MMEL1: variants seen among roughly 807,000 people sequenced by gnomAD.
MMEL1 encodes the protein membrane metallo-endopeptidase-like 1.
Under a neutral mutation model 117.1 loss-of-function variants are expected in MMEL1, and 98 were observed. The ratio of observed to expected loss-of-function variants is 0.84; its 90% CI spans 0.71 to 0.99. The LOEUF is 0.99. Ranked by LOEUF, MMEL1 falls within the 50% of genes least tolerant of loss-of-function variation. The pLI, the probability that MMEL1 is intolerant of heterozygous loss-of-function variation, is 0.00. For synonymous variants in MMEL1, 390 were observed against 415.1 expected (o/e 0.94, Z 0.74); for missense variants, 1,014 against 1,049.1 (o/e 0.97, Z 0.46).
intron 2 of MMEL1, among the ~76,000 whole-genome samples, chr1:2,617,526 G>A (rs1029322384): frequency 5.3e-5 from 8 of 151,804 alleles, no homozygotes; most frequent in Non-Finnish European, 1.0e-4. Flanking sequence ...CTTGAACACC[G>A]TGGGTGGAGG....
chr1:2,621,260 G>A (rs1645284874), intron 2 of MMEL1, among the ~76,000 whole-genome samples: 1 of 152,210 alleles, frequency 6.6e-6, no homozygotes, highest in Non-Finnish European at 1.5e-5. Flanking sequence ...CCTCCAGCCT[G>A]AGTGACAGAG....
rs934625022 is a variant in MMEL1 at position 2,607,542 on chromosome 1, C to A, written c.536-473G>T. Among the ~76,000 whole-genome samples the A allele has an allele frequency of 2.0e-5, 3 of 152,050 alleles. No individual in the cohort carries two copies. The East Asian group carries it at 5.8e-4, about 30-fold the overall frequency. On this transcript the variant is annotated intron_variant, in intron 6 of 23. Coordinates refer to ENST00000378412, the MANE Select transcript of MMEL1 (RefSeq NM_033467.4). Reference sequence around the variant, plus strand: ...GTGTGTCCTGTGTCTCGGCTCAGCACGGTGGGGCCCCGACAAGCAGGGCTT... The same window carrying A: ...GTGTGTCCTGTGTCTCGGCTCAGCAAGGTGGGGCCCCGACAAGCAGGGCTT...
At chr1:2,597,980 C>T (rs1644871452) in intron 13 of MMEL1, among the ~76,000 whole-genome samples, 2 of 152,176 alleles carry the variant, frequency 1.3e-5, no homozygotes. Context: ...TCCCTGTCCT[C>T]GTCCCTCCCT....
At chr1:2,605,900 G>A (rs1645017871) in intron 8 of MMEL1, among the ~76,000 whole-genome samples, 1 of 152,184 alleles carries the variant, frequency 6.6e-6, no homozygotes, top group African/African-American at 2.4e-5. Context: ...CCAGAGTGGG[G>A]CGCGTATTTG....
chr1:2,605,670 C>T (rs370714388), intron 8 of MMEL1, 47 bp from the exon 9 acceptor site: 28 of 1,498,730 alleles, frequency 1.9e-5, no homozygotes, highest in African/African-American at 6.9e-5. Flanking sequence ...CCGGGGTCCC[C>T]GCAGCCTGGC....
intron 18 of MMEL1, 105 bp downstream of exon 18, chr1:2,594,280 A>T: frequency 8.2e-7 from 1 of 1,219,712 alleles, no homozygotes; most frequent in African/African-American, 1.5e-5. Context: ...TTCCAAGAAC[A>T]GGCTGGGGTG....
chr1:2,632,342 C>T (rs1419199489), intron 1 of MMEL1, among the ~76,000 whole-genome samples: 1 of 152,190 alleles, frequency 6.6e-6, no homozygotes, highest in African/African-American at 2.4e-5. Context: ...CACCCCCACC[C>T]CAGAGACCTC....
rs1441920357 is a variant in MMEL1 at position 2,595,407 on chromosome 1, A to G, written c.1501-48T>C. The G allele has an allele frequency of 6.4e-7, 1 of 1,564,958 alleles. No homozygotes were observed. Among genetic ancestry groups the G allele is most frequent in the South Asian group, 1.1e-5 (1 of 89,970 alleles). On this transcript the variant is annotated intron_variant, in intron 15 of 23. Coordinates refer to ENST00000378412, the MANE Select transcript of MMEL1 (RefSeq NM_033467.4). The surrounding 1 kb of genome is among the most constrained non-coding windows in gnomAD (Gnocchi z 4.8). Reference sequence around the variant, plus strand: ...TCAGTGGGTGCCCCACTGCGGATGGAGTCAGCCCGGGGGCCGGTCAGTGAG... The same window carrying G: ...TCAGTGGGTGCCCCACTGCGGATGGGGTCAGCCCGGGGGCCGGTCAGTGAG...
Position 2,596,588 on chromosome 1 carries a change from C to A in MMEL1, c.1374G>T (p.Glu458Asp). Reference protein sequence around the residue: ...ENAVGSLYVREAFPGDSKSMV... With the variant: ...ENAVGSLYVRDAFPGDSKSMV... ...TGCTCTTGCTGTCTCCAGGGAACGC[C>A]TCCCTGACGTAGAGGGAGCCCACGG... Residue 458 changes from glutamate (E) to aspartate (D), a missense_variant, in exon 14 of 24, where the codon GAG becomes GAT. Physicochemically the swap from Glu to Asp is conservative, Grantham distance 45. Transcript: ENST00000378412. 6.2e-7 allele frequency: 1 copy of A among 1,612,224 alleles called. No homozygotes were observed. Among genetic ancestry groups the A allele is most frequent in the South Asian group, 1.1e-5 (1 of 91,084 alleles).
At chr1:2,604,444 G>A (rs1032189982) in intron 9 of MMEL1, among the ~76,000 whole-genome samples, 163 bp from the exon 10 acceptor site, 1 of 152,198 alleles carries the variant, frequency 6.6e-6, no homozygotes, top group Non-Finnish European at 1.5e-5. Flanking sequence ...CCGAGTGGGA[G>A]CGTCTCAGAC....
intron 2 of MMEL1, among the ~76,000 whole-genome samples, chr1:2,613,217 G>A (rs1212760485): frequency 2.6e-5 from 4 of 152,214 alleles, no homozygotes; most frequent in African/African-American, 9.6e-5. Flanking sequence ...TGCATACACC[G>A]AGGTAAAGTG....
chr1:2,603,859 G>A (rs774914915), intron 11 of MMEL1, 25 bp downstream of exon 11: 15 of 1,608,848 alleles, frequency 9.3e-6, no homozygotes, highest in South Asian at 3.3e-5. Flanking sequence ...GGCCAGTGCC[G>A]GCCTCCTGTG....
chr1:2,594,345 A>T (rs1440638205), intron 18 of MMEL1, 40 bp downstream of exon 18: 2 of 1,547,724 alleles, frequency 1.3e-6, no homozygotes, highest in Non-Finnish European at 1.7e-6. Flanking sequence ...CAACTCTGGC[A>T]CCAAAGGGCC....
At position 2,596,178 on chromosome 1, in the gene MMEL1, G is replaced by A. The variant is rs954343683; in HGVS notation, c.1402-71C>T. 1.5e-5 allele frequency: 22 copies of A among 1,421,622 alleles called. No homozygotes were observed. In the African/African-American group the frequency reaches 2.9e-4, roughly 19 times the overall value. The allele number at this position is 1,421,622 out of a possible 1,614,324, so 88.1% of individuals were successfully genotyped here. ...CGAATGACCAGCCTCAAGGGCTTTG[G>A]GGAGGTCTGGTCTGAGCCCCGCCGG... On this transcript the variant is annotated intron_variant, in intron 14 of 23. Transcript: ENST00000378412.
intron 7 of MMEL1, among the ~76,000 whole-genome samples, chr1:2,606,578 G>A (rs951943495): frequency 3.3e-5 from 5 of 152,292 alleles, no homozygotes; most frequent in African/African-American, 1.2e-4. Context: ...AGGGGGTTGG[G>A]AGCAGCATGG....
intron 13 of MMEL1, among the ~76,000 whole-genome samples, chr1:2,597,511 G>A (rs1212530972): frequency 2.0e-5 from 3 of 152,142 alleles, no homozygotes; most frequent in African/African-American, 7.2e-5. Context: ...CACCTCCCCT[G>A]CGTCTGTGTG....
chr1:2,605,400 C>T (rs1201899600), intron 9 of MMEL1, among the ~76,000 whole-genome samples, 158 bp downstream of exon 9: 2 of 152,240 alleles, frequency 1.3e-5, no homozygotes, highest in East Asian at 1.9e-4. Context: ...CAATAGGTCA[C>T]GTCTGCACCC....
intron 4 of MMEL1, among the ~76,000 whole-genome samples, chr1:2,610,531 C>G (rs1202055569): frequency 1.3e-5 from 2 of 152,236 alleles, no homozygotes; most frequent in East Asian, 3.9e-4. Flanking sequence ...CAGGGCCTTT[C>G]TGTTCTGACT....
At chr1:2,620,231 A>G (rs1238040677) in intron 2 of MMEL1, among the ~76,000 whole-genome samples, 1 of 152,208 alleles carries the variant, frequency 6.6e-6, no homozygotes, top group Non-Finnish European at 1.5e-5. Context: ...TTTTCTCTGA[A>G]GCCACGTCTG....
Sources: gnomAD v4.1 joint callset for allele counts (sites outside exome capture counted in the v4.1 genomes callset) on GRCh38, gnomAD v4.1.1 for gene constraint, Gnocchi (gnomAD v3.1) non-coding constraint, MANE v1.5 for transcripts, NCBI Gene and HGNC (gene_info 2026-07-23, HGNC 2026-07-21) for gene names.